The following ADAMTS20 variants were observed in gnomAD, a reference collection of about 807,000 sequenced individuals.
The protein encoded by ADAMTS20 is A disintegrin and metalloproteinase with thrombospondin motifs 20.
ADAMTS20 carries 225 observed loss-of-function variants against 260.1 expected under a neutral mutation model. The ratio of observed to expected loss-of-function variants is 0.87; its 90% CI spans 0.78 to 0.97. The LOEUF (loss-of-function observed/expected upper bound fraction) is 0.97, where lower values mean the gene tolerates loss of function less well. Among genes scored for constraint, ADAMTS20 ranks in the 50% least tolerant of loss-of-function variants. The pLI is 0.00. For synonymous variants in ADAMTS20, 802 were observed against 769.5 expected (o/e 1.04, Z -0.70); for missense variants, 2,400 against 2,337.7 (o/e 1.03, Z -0.55).
At chr12:43,405,450 AT>A (rs1940901146) in intron 28 of ADAMTS20, among the ~76,000 whole-genome samples, 3 of 142,258 alleles carry the variant, frequency 2.1e-5, no homozygotes, top group East Asian at 2.2e-4. Flanking sequence ...AATAATAATA[AT>A]AATAATAATA....
At chr12:43,369,426 C>T in intron 36 of ADAMTS20, 45 bp from the exon 37 acceptor site, 3 of 1,157,358 alleles carry the variant, frequency 2.6e-6, no homozygotes, top group East Asian at 3.1e-5. Flanking sequence ...GACAATAATG[C>T]AATCGTTGTT....
Position 43,522,540 on chromosome 12 carries a change from C to T in ADAMTS20, c.613+9496G>A, listed in dbSNP as rs565119557. Among the ~76,000 whole-genome samples, 74 of 152,232 alleles carry T rather than the reference C, an allele frequency of 4.9e-4. 2 individuals are homozygous for T. The highest frequency in any genetic ancestry group is 1.6e-3 in the African/African-American group (68 of 41,538). On this transcript the variant is annotated intron_variant, in intron 3 of 38. Transcript: ENST00000389420. ...AGAGTGGGTGACAGAGGAAGTGGAG[C>T]GAAACTAATGAGGTCTCCTGAGGAA...
chr12:43,456,268 G>C (rs1941962523), intron 11 of ADAMTS20, among the ~76,000 whole-genome samples: 1 of 152,158 alleles, frequency 6.6e-6, no homozygotes, highest in Admixed American at 6.5e-5. Flanking sequence ...TGGTTTCCTA[G>C]ATTATCACTA....
rs577070688 is a variant in ADAMTS20 at position 43,480,681 on chromosome 12, A to G, written c.1117+9714T>C. On this transcript the variant is annotated intron_variant, in intron 7 of 38. Transcript: ENST00000389420. ...AGCATGGATGAATCTGTAGGACATT[A>G]CGCTCAGTGAAATAAGCCAGGCATA... Among the ~76,000 whole-genome samples, 15 of 152,328 alleles carry G rather than the reference A, an allele frequency of 9.8e-5. 1 individual carries two copies. In the South Asian group the frequency reaches 2.9e-3, roughly 29 times the overall value.
Position 43,375,524 on chromosome 12 carries a change from T to A in ADAMTS20, c.5313-12A>T, listed in dbSNP as rs775540762. On this transcript the variant is annotated splice_polypyrimidine_tract_variant and intron_variant, in intron 35 of 38. Coordinates refer to ENST00000389420, the MANE Select transcript of ADAMTS20 (RefSeq NM_025003.5). ...ATGGATTTTTTAGTCTGTAACAACA[T>A]TGGGATATTTTAGTATTAGATGCAG... 1.1e-5 allele frequency: 17 copies of A among 1,612,042 alleles called. No homozygotes were observed. In the South Asian group the frequency reaches 1.8e-4, roughly 17 times the overall value.
At chr12:43,408,922 C>G (rs1316264321) in intron 28 of ADAMTS20, among the ~76,000 whole-genome samples, 17 of 145,400 alleles carry the variant, frequency 1.2e-4, no homozygotes, top group Non-Finnish European at 7.8e-5. Context: ...AATAATAACA[C>G]TTACATCTCA....
At chr12:43,436,645 T>G (rs1434369187) in intron 18 of ADAMTS20, among the ~76,000 whole-genome samples, 1 of 152,148 alleles carries the variant, frequency 6.6e-6, no homozygotes, top group East Asian at 1.9e-4. Context: ...TTGCACAGCA[T>G]AGCTCTAGAA....
intron 3 of ADAMTS20, among the ~76,000 whole-genome samples, chr12:43,503,671 T>A (rs1942800284): frequency 6.6e-6 from 1 of 152,152 alleles, no homozygotes; most frequent in African/African-American, 2.4e-5. Flanking sequence ...ACCCAGGTAC[T>A]AAGTATGTTA....
chr12:43,476,611 A>G (rs1373999694), intron 7 of ADAMTS20, among the ~76,000 whole-genome samples: 1 of 99,302 alleles, frequency 1.0e-5, no homozygotes, highest in African/African-American at 4.2e-5. Flanking sequence ...TCCAACAATG[A>G]TAGACTGGAT....
At chr12:43,452,917 C>T (rs559230013) in intron 12 of ADAMTS20, among the ~76,000 whole-genome samples, 1 of 152,206 alleles carries the variant, frequency 6.6e-6, no homozygotes, top group South Asian at 2.1e-4. Context: ...AGAAACGATA[C>T]CTTATTCTTG....
chr12:43,386,643 T>G (rs1347126565), intron 29 of ADAMTS20, among the ~76,000 whole-genome samples: 5 of 152,242 alleles, frequency 3.3e-5, no homozygotes, highest in African/African-American at 1.2e-4. Flanking sequence ...AGGTTTGGTC[T>G]TTTCACGTTG....
intron 7 of ADAMTS20, among the ~76,000 whole-genome samples, chr12:43,474,311 G>C (rs577818338): frequency 1.6e-3 from 227 of 145,622 alleles, no homozygotes; most frequent in African/African-American, 5.4e-3. Context: ...TCTCTGAATA[G>C]ACCAATAACA....
chr12:43,543,321 A>AG (rs1943401345), intron 2 of ADAMTS20, among the ~76,000 whole-genome samples: 1 of 152,134 alleles, frequency 6.6e-6, no homozygotes, highest in Admixed American at 6.5e-5. Flanking sequence ...AAGAAAAAAA[A>AG]GAAAGAAAAG....
intron 7 of ADAMTS20, among the ~76,000 whole-genome samples, chr12:43,472,292 A>C (rs935221822): frequency 8.5e-5 from 13 of 152,070 alleles, no homozygotes; most frequent in Non-Finnish European, 1.3e-4. Flanking sequence ...CAGAAAAAAG[A>C]ATGAAAAGAA....
chr12:43,453,945 G>T lies in ADAMTS20; in HGVS notation c.1722C>A (p.Gly574=). The change falls in exon 12 of 39, where the codon GGC becomes GGA. Residue 574 remains glycine, a synonymous_variant. Transcript: ENST00000389420. ...PYSSCSRTCG[G]GIESATRRCN... Reference sequence around the variant, plus strand: ...AGCGCCTGGTTGCACTTTCGATTCCGCCTCCACATGTTCTTGAACAAGAAC... The same window carrying T: ...AGCGCCTGGTTGCACTTTCGATTCCTCCTCCACATGTTCTTGAACAAGAAC... 2 of 1,611,428 alleles carry T rather than the reference G, an allele frequency of 1.2e-6. No individual in the cohort carries two copies. The highest frequency in any genetic ancestry group is 8.5e-7 in the Non-Finnish European group (1 of 1,178,718).
chr12:43,430,321 C>T (rs1344123834), intron 23 of ADAMTS20, 31 bp downstream of exon 23: 1 of 1,591,226 alleles, frequency 6.3e-7, no homozygotes, highest in South Asian at 1.2e-5. Flanking sequence ...TCTCATAAAT[C>T]TTTTTGTTTG....
rs1404950537 is a variant in ADAMTS20, at chr12:43,464,654, T to C, written c.1446A>G (p.Arg482=). The part of the protein sequence containing the change: ...YNLPSELPGS[R]YDGNKQCELA... The stretch of plus-strand genomic sequence containing the variant: ...GCTCACACTGCTTGTTTCCATCATA[T>C]CGTGATCCAGGAAGTTCTGAAGGCA... Residue 482 remains arginine (R), a synonymous_variant, in exon 10 of 39, where the codon CGA becomes CGG. Transcript: ENST00000389420. 2 of 1,613,360 alleles carry C rather than the reference T, an allele frequency of 1.2e-6. No individual in the cohort carries two copies. Among genetic ancestry groups the C allele is most frequent in the Non-Finnish European group, 8.5e-7 (1 of 1,179,484 alleles).
intron 28 of ADAMTS20, 92 bp from the exon 29 acceptor site, chr12:43,399,325 T>A: frequency 9.2e-7 from 1 of 1,090,138 alleles, no homozygotes; most frequent in Non-Finnish European, 1.2e-6. Flanking sequence ...AATCCACACA[T>A]AATTCCTTTG....
Position 43,552,041 on chromosome 12 carries a change from G to A in ADAMTS20, c.-120C>T. 1.2e-6 allele frequency: 1 copy of A among 837,792 alleles called. No individual in the cohort carries two copies. Among genetic ancestry groups the A allele is most frequent in the Admixed American group, 2.1e-5 (1 of 48,246 alleles). 51.9% of individuals were successfully genotyped at this position (837,792 alleles called of 1,614,324 possible). On this transcript the variant is annotated 5_prime_UTR_variant, in exon 1 of 39. Coordinates refer to ENST00000389420, the MANE Select transcript of ADAMTS20 (RefSeq NM_025003.5). ...GCCCGCCGCTCTCCGCGCCTCAGCA[G>A]CCTAGGGAACAGCAGCGCGGGCCCT...
Sources: gnomAD v4.1 joint callset for allele counts (sites outside exome capture counted in the v4.1 genomes callset) on GRCh38, gnomAD v4.1.1 for gene constraint, MANE v1.5 for transcripts, NCBI Gene and HGNC (gene_info 2026-07-23, HGNC 2026-07-21) for gene names.